Variants in ZCCHC14 observed in about 807,000 individuals in gnomAD.
ZCCHC14 encodes the protein zinc finger CCHC-type containing 14.
ZCCHC14 carries 16 observed loss-of-function variants against 85.0 expected under a neutral mutation model. The ratio of observed to expected loss-of-function variants is 0.19; its 90% CI spans 0.13 to 0.29. ZCCHC14 has a LOEUF of 0.29. Among genes scored for constraint, ZCCHC14 ranks in the 10% least tolerant of loss-of-function variants. The pLI is 1.00. For missense variants in ZCCHC14, 1,303 were observed against 1,443.5 expected (o/e 0.90, Z 1.58); for synonymous variants, 775 against 630.7 (o/e 1.23, Z -3.43).
chr16:87,435,472 A>ACCC (rs1909877050), intron 2 of ZCCHC14, among the ~76,000 whole-genome samples: 2 of 152,204 alleles, frequency 1.3e-5, no homozygotes, highest in African/African-American at 4.8e-5. Flanking sequence ...CCGTGATACC[A>ACCC]TGGCTGAGGA....
At chr16:87,431,735 G>A (rs866711207) in intron 3 of ZCCHC14, among the ~76,000 whole-genome samples, 3 of 152,152 alleles carry the variant, frequency 2.0e-5, no homozygotes, top group Admixed American at 6.5e-5. Context: ...ACACCGCAAT[G>A]CAAGGAATGA....
chr16:87,492,708 T>G lies in ZCCHC14; in HGVS notation c.-470A>C. ...CGACGGAGCCGCCCCGGCCATGCCG[T>G]CGCCGCCGCCCGCGCCTCCGCCCAG... On this transcript the variant is annotated 5_prime_UTR_variant, in exon 1 of 13. Transcript: ENST00000671377. The surrounding 1 kb of genome is among the most constrained non-coding windows in gnomAD (Gnocchi z 6.7). The G allele has an allele frequency of 7.0e-6, 1 of 141,892 alleles. No homozygotes were observed. Among genetic ancestry groups the G allele is most frequent in the Admixed American group, 6.9e-5 (1 of 14,434 alleles). The allele number at this position is 141,892 out of a possible 1,614,324, so 8.8% of individuals were successfully genotyped here.
rs140701109 is a variant in ZCCHC14, at chr16:87,420,315, G to A, written c.950+292C>T. 1.3e-5 allele frequency among the ~76,000 whole-genome samples: 2 copies of A among 152,308 alleles called. No homozygotes were observed. The highest frequency in any genetic ancestry group is 4.8e-5 in the African/African-American group (2 of 41,560). The stretch of plus-strand genomic sequence containing the variant: ...TTTATCTGGGAATAGTCTCAACCTT[G>A]GACTACAGGATGGAAACAGCAGCCC... On this transcript the variant is annotated intron_variant, in intron 5 of 12. Coordinates refer to ENST00000671377, the MANE Select transcript of ZCCHC14 (RefSeq NM_015144.3). This position sits in a 1 kb window ranked among gnomAD's most constrained non-coding sequence, Gnocchi z 5.0.
chr16:87,417,965 C>T lies in ZCCHC14; in HGVS notation c.1101-223G>A, dbSNP rs1908883003. The T allele has an allele frequency of 1.3e-5, 7 of 557,994 alleles. No homozygotes were observed. The South Asian group carries it at 1.4e-4, about 11-fold the overall frequency. The allele number at this position is 557,994 out of a possible 1,614,324, so 34.6% of individuals were successfully genotyped here. A position where few individuals can be genotyped will look rare whatever the true frequency, so the allele number is the denominator to read the frequency against. On this transcript the variant is annotated intron_variant, in intron 7 of 12. Coordinates refer to ENST00000671377, the MANE Select transcript of ZCCHC14 (RefSeq NM_015144.3). ...TTTCTGTAATGCATGTCTGTGCACA[C>T]GTGTGCATACAGGCGGCTGTGCATA...
intron 10 of ZCCHC14, among the ~76,000 whole-genome samples, chr16:87,413,689 G>T (rs1006617608): frequency 6.6e-6 from 1 of 152,110 alleles, no homozygotes; most frequent in Non-Finnish European, 1.5e-5. Context: ...TCTGAGAGGG[G>T]AGGATGAAAA....
intron 1 of ZCCHC14, among the ~76,000 whole-genome samples, chr16:87,465,404 C>T (rs1449841140): frequency 6.6e-6 from 1 of 152,246 alleles, no homozygotes; most frequent in African/African-American, 2.4e-5. Flanking sequence ...ATGTAACAGA[C>T]AATCAGATTG....
chr16:87,474,560 T>C (rs1911917282), intron 1 of ZCCHC14, among the ~76,000 whole-genome samples: 1 of 152,042 alleles, frequency 6.6e-6, no homozygotes, highest in African/African-American at 2.4e-5. Flanking sequence ...AAAAACAAAC[T>C]GAACAGGACC....
At chr16:87,442,389 T>C (rs561625221) in intron 2 of ZCCHC14, among the ~76,000 whole-genome samples, 127 of 152,204 alleles carry the variant, frequency 8.3e-4, no homozygotes, top group Non-Finnish European at 1.3e-3. Context: ...GAGTCTCGTA[T>C]CATACTATTC....
In ZCCHC14 at chr16:87,409,230, A is replaced by T. The variant is rs1174841077; in HGVS notation, c.*1050T>A. The T allele has an allele frequency of 2.0e-5, 3 of 152,076 alleles. No individual in the cohort carries two copies. Among genetic ancestry groups the T allele is most frequent in the Non-Finnish European group, 2.9e-5 (2 of 67,954 alleles). The allele number at this position is 152,076 out of a possible 1,614,324, so 9.4% of individuals were successfully genotyped here. A position where few individuals can be genotyped will look rare whatever the true frequency, so the allele number is the denominator to read the frequency against. On this transcript the variant is annotated 3_prime_UTR_variant, in exon 13 of 13. Coordinates refer to ENST00000671377, the MANE Select transcript of ZCCHC14 (RefSeq NM_015144.3). Reference sequence around the variant, plus strand: ...AGAAAATTCCCAATCTTTTGCTGATAAATGACAGGACTGTATCATTGTTGA... The same window carrying T: ...AGAAAATTCCCAATCTTTTGCTGATTAATGACAGGACTGTATCATTGTTGA...
At chr16:87,470,829 G>A (rs1911742719) in intron 1 of ZCCHC14, 1 of 152,082 alleles carries the variant, frequency 6.6e-6, no homozygotes, top group African/African-American at 2.4e-5. Context: ...AAAAGACAAA[G>A]GTACACCGAA....
At chr16:87,475,735 G>C (rs1273390055) in intron 1 of ZCCHC14, among the ~76,000 whole-genome samples, 1 of 143,952 alleles carries the variant, frequency 6.9e-6, no homozygotes, top group East Asian at 1.9e-4. Flanking sequence ...GATCTGAAAG[G>C]AAAACAATCA....
chr16:87,436,985 C>T (rs1351060264), intron 2 of ZCCHC14, among the ~76,000 whole-genome samples: 3 of 152,110 alleles, frequency 2.0e-5, no homozygotes, highest in Admixed American at 1.3e-4. Context: ...CCAGTGTGGC[C>T]GCCTTCCCCT....
At chr16:87,426,827 A>T (rs988220958) in intron 3 of ZCCHC14, among the ~76,000 whole-genome samples, 1 of 152,244 alleles carries the variant, frequency 6.6e-6, no homozygotes, top group Admixed American at 6.5e-5. Flanking sequence ...ATTTTCATCA[A>T]TATTCTTACT....
Position 87,412,901 on chromosome 16 carries a change from G to A in ZCCHC14, c.1820C>T (p.Ala607Val). 2 of 1,601,792 alleles carry A rather than the reference G, an allele frequency of 1.2e-6. No individual in the cohort carries two copies. Among genetic ancestry groups the A allele is most frequent in the South Asian group, 2.2e-5 (2 of 89,066 alleles). ...AGGGAGAACCTGGGCCGTGGGTCTG[G>A]CGGAACTGGAAGTGAAGTGATTCAG... ...MLLNHFTSSS[A>V]RPTAQVLPVQ... is the part of the protein sequence containing the mutation. The change falls in exon 12 of 13, where the codon GCC (alanine) becomes GTC (valine). Residue 607 changes from alanine (A) to valine (V), a missense_variant. Coordinates refer to ENST00000671377, the MANE Select transcript of ZCCHC14 (RefSeq NM_015144.3).
intron 1 of ZCCHC14, among the ~76,000 whole-genome samples, chr16:87,480,409 A>G (rs1912216047): frequency 6.6e-6 from 1 of 152,112 alleles, no homozygotes. Context: ...TCTCAAAAAA[A>G]ATAAATAAAT....
At chr16:87,469,703 G>A (rs1267927972) in intron 1 of ZCCHC14, among the ~76,000 whole-genome samples, 1 of 152,224 alleles carries the variant, frequency 6.6e-6, no homozygotes, top group Admixed American at 6.5e-5. Flanking sequence ...CTTCAGTGCT[G>A]TCACAGAGAC....
At chr16:87,418,254 C>G (rs547546329) in intron 7 of ZCCHC14, among the ~76,000 whole-genome samples, 11 of 152,198 alleles carry the variant, frequency 7.2e-5, no homozygotes, top group Admixed American at 1.3e-4. Context: ...AAGTAAAACG[C>G]AGAAGGCTGG....
chr16:87,483,304 C>CAAAAAAAAA (rs56708958), intron 1 of ZCCHC14, among the ~76,000 whole-genome samples: 1 of 43,666 alleles, frequency 2.3e-5, no homozygotes, highest in African/African-American at 8.6e-5. Flanking sequence ...CTAAAAATAC[C>CAAAAAAAAA]AAAAAAAAAA....
chr16:87,465,792 C>G (rs1359629274), intron 1 of ZCCHC14, among the ~76,000 whole-genome samples: 1 of 152,092 alleles, frequency 6.6e-6, no homozygotes, highest in Non-Finnish European at 1.5e-5. Flanking sequence ...TCACCATGAT[C>G]AAAACAGTCA....
Sources: gnomAD v4.1 joint callset for allele counts (sites outside exome capture counted in the v4.1 genomes callset) on GRCh38, gnomAD v4.1.1 for gene constraint, Gnocchi (gnomAD v3.1) non-coding constraint, MANE v1.5 for transcripts, NCBI Gene and HGNC (gene_info 2026-07-23, HGNC 2026-07-21) for gene names.